The following ZBTB7C variants were observed in gnomAD, a reference collection of about 807,000 sequenced individuals.
ZBTB7C encodes zinc finger and BTB domain containing 7C.
A neutral mutation model predicts 25.7 loss-of-function variants in ZBTB7C; 8 were observed. That is an observed-to-expected ratio of 0.31 (90% CI 0.18 to 0.56). The LOEUF (loss-of-function observed/expected upper bound fraction) is 0.56. ZBTB7C is among the 20% of genes least tolerant of loss of function. ZBTB7C has a pLI of 0.91. For missense variants in ZBTB7C, 824 were observed against 855.2 expected, an observed-to-expected ratio of 0.96 and a Z score of 0.46; for synonymous variants, 394 against 369.0, an observed-to-expected ratio of 1.07 and a Z score of -0.78.
At chr18:48,181,975 T>C (rs968592690) in intron 3 of ZBTB7C, among the ~76,000 whole-genome samples, 1 of 152,192 alleles carries the variant, frequency 6.6e-6, no homozygotes, top group Non-Finnish European at 1.5e-5. Context: ...CCAGACATCG[T>C]ATAATCCAAA....
chr18:48,247,976 T>C (rs1336837603), intron 2 of ZBTB7C, among the ~76,000 whole-genome samples: 1 of 152,206 alleles, frequency 6.6e-6, no homozygotes. Context: ...TGGGGGTGGT[T>C]CCCTCGTACT....
At chr18:48,271,226 A>G (rs965219065) in intron 2 of ZBTB7C, among the ~76,000 whole-genome samples, 2 of 152,076 alleles carry the variant, frequency 1.3e-5, no homozygotes, top group Admixed American at 6.6e-5. Context: ...AAGAAGGAAA[A>G]CTGGCAAAAT....
chr18:48,256,001 C>T (rs1023750868), intron 2 of ZBTB7C, among the ~76,000 whole-genome samples: 3 of 152,062 alleles, frequency 2.0e-5, no homozygotes, highest in African/African-American at 7.2e-5. Flanking sequence ...AGCAAAAGTG[C>T]ACTGTGGGGA....
chr18:48,067,105 A>C (rs112845708), intron 3 of ZBTB7C, among the ~76,000 whole-genome samples: 164 of 152,044 alleles, frequency 1.1e-3, no homozygotes, highest in African/African-American at 3.9e-3. Flanking sequence ...CCATCTCCAA[A>C]AAAACAAAAC....
chr18:48,191,542 TGGA>T (rs1184867310), intron 2 of ZBTB7C, among the ~76,000 whole-genome samples: 2 of 152,158 alleles, frequency 1.3e-5, no homozygotes, highest in Non-Finnish European at 2.9e-5. Context: ...TGGTGGCGGG[TGGA>T]GGACACTGAG....
At chr18:48,093,669 T>C (rs571038334) in intron 3 of ZBTB7C, among the ~76,000 whole-genome samples, 2 of 152,086 alleles carry the variant, frequency 1.3e-5, no homozygotes, top group South Asian at 4.2e-4. Flanking sequence ...CAGGAGTTCA[T>C]AGAAGAGGCA....
chr18:48,049,178 C>T (rs1488642050), intron 3 of ZBTB7C, among the ~76,000 whole-genome samples: 2 of 152,186 alleles, frequency 1.3e-5, no homozygotes, highest in African/African-American at 4.8e-5. Context: ...ACCACAGTGC[C>T]CCCAACTAGG....
At chr18:48,239,616 A>C (rs2043470264) in intron 2 of ZBTB7C, among the ~76,000 whole-genome samples, 1 of 152,194 alleles carries the variant, frequency 6.6e-6, no homozygotes, top group Admixed American at 6.5e-5. Context: ...CAGAAAAGCA[A>C]TAACAATCAC....
At chr18:48,097,407 T>TTATTA (rs869083939) in intron 3 of ZBTB7C, among the ~76,000 whole-genome samples, 1 of 150,838 alleles carries the variant, frequency 6.6e-6, no homozygotes. Flanking sequence ...ATTATTATTA[T>TTATTA]TATTATTGAG....
At chr18:48,172,414 A>G (rs1196298606) in intron 3 of ZBTB7C, among the ~76,000 whole-genome samples, 1 of 152,090 alleles carries the variant, frequency 6.6e-6, no homozygotes, top group African/African-American at 2.4e-5. Context: ...TCTCAGCCGG[A>G]GCTGCAGGCC....
upstream of ZBTB7C, chr18:48,410,747 G>C (rs1353479522): frequency 6.6e-6 from 1 of 152,260 alleles, no homozygotes; most frequent in African/African-American, 2.4e-5. Flanking sequence ...GTAGTACATC[G>C]GAGGCAGCAC....
At chr18:48,329,311 T>C (rs1200480917) in intron 2 of ZBTB7C, among the ~76,000 whole-genome samples, 2 of 152,206 alleles carry the variant, frequency 1.3e-5, no homozygotes, top group Admixed American at 1.3e-4. Context: ...TCCTGTTGGA[T>C]CCCCTGTGCC....
In ZBTB7C at chr18:48,112,124, C is replaced by T. The variant is rs193090688; in HGVS notation, c.-16-71001G>A. On this transcript the variant is annotated intron_variant, in intron 3 of 4. Transcript: ENST00000590800. ...ATTTTACTGATATGGAAATATGCTA[C>T]GTTGTGATGTGTACAAATAGTTGTA... 5.3e-5 allele frequency among the ~76,000 whole-genome samples: 8 copies of T among 152,076 alleles called. No homozygotes were observed. In the East Asian group the frequency reaches 5.8e-4, roughly 11 times the overall value.
At chr18:48,070,450 G>A (rs2037500689) in intron 3 of ZBTB7C, among the ~76,000 whole-genome samples, 1 of 152,196 alleles carries the variant, frequency 6.6e-6, no homozygotes, top group South Asian at 2.1e-4. Flanking sequence ...GTCAAGAGGA[G>A]CAGGAGGAAG....
chr18:48,048,490 G>A (rs574364912), intron 3 of ZBTB7C, among the ~76,000 whole-genome samples: 3 of 152,278 alleles, frequency 2.0e-5, no homozygotes, highest in South Asian at 2.1e-4. Flanking sequence ...TGACATCTTC[G>A]CTTCACCACC....
At chr18:48,154,571 A>T (rs1181387885) in intron 3 of ZBTB7C, among the ~76,000 whole-genome samples, 1 of 152,246 alleles carries the variant, frequency 6.6e-6, no homozygotes, top group African/African-American at 2.4e-5. Flanking sequence ...TGGGTCTGGC[A>T]TTTCCTTTCA....
intron 3 of ZBTB7C, among the ~76,000 whole-genome samples, chr18:48,055,084 TATCTC>T (rs2036857820): frequency 6.6e-6 from 1 of 151,856 alleles, no homozygotes; most frequent in African/African-American, 2.4e-5. Flanking sequence ...CACAGCAAAA[TATCTC>T]AAAGAAGTAG....
At chr18:48,137,824 C>G (rs111398699) in intron 3 of ZBTB7C, among the ~76,000 whole-genome samples, 1,633 of 152,342 alleles carry the variant, frequency 0.011, 26 homozygotes, top group African/African-American at 0.038. Context: ...GCAGTCCACA[C>G]TGGGGTGGGC....
At chr18:48,336,838 A>T (rs1475048641) in intron 2 of ZBTB7C, among the ~76,000 whole-genome samples, 1 of 152,064 alleles carries the variant, frequency 6.6e-6, no homozygotes, top group Non-Finnish European at 1.5e-5. Context: ...AGTACAGACC[A>T]CTTGCCCCAC....
Sources: gnomAD v4.1 joint callset for allele counts (sites outside exome capture counted in the v4.1 genomes callset) on GRCh38, gnomAD v4.1.1 for gene constraint, MANE v1.5 for transcripts, NCBI Gene and HGNC (gene_info 2026-07-23, HGNC 2026-07-21) for gene names.